Variants in POU3F3 observed in about 807,000 individuals in gnomAD.
POU3F3 encodes POU class 3 homeobox 3.
In POU3F3, 1 loss-of-function variant was observed where a neutral mutation model predicts 8.6. The ratio of observed to expected loss-of-function variants is 0.12; its 90% CI spans 0.04 to 0.55. The LOEUF is 0.55. Ranked by LOEUF, POU3F3 falls within the 20% of genes least tolerant of loss-of-function variation. The pLI is 0.91. For synonymous variants in POU3F3, 418 were observed against 327.4 expected, an observed-to-expected ratio of 1.28 and a Z score of -2.99; for missense variants, 577 against 690.7, an observed-to-expected ratio of 0.84 and a Z score of 1.84.
the POU3F3 span, chr2:104,868,408 G>A: frequency 2.6e-5 from 12 of 455,746 alleles, no homozygotes; most frequent in African/African-American, 2.4e-4. Context: ...AAAGGGGTAG[G>A]CGTGGATGTA....
the POU3F3 span, among the ~76,000 whole-genome samples, chr2:104,918,153 C>T: frequency 4.6e-5 from 7 of 152,194 alleles, no homozygotes; most frequent in Admixed American, 1.3e-4. Context: ...CTTCCCAAGT[C>T]GTAAAATCCT....
At chr2:104,918,063 T>C in the POU3F3 span, among the ~76,000 whole-genome samples, 1 of 152,232 alleles carries the variant, frequency 6.6e-6, no homozygotes, top group African/African-American at 2.4e-5. Context: ...GATTATAGCA[T>C]AAGAATAACT....
rs1284761954 is a variant in POU3F3 at position 104,855,982 on chromosome 2, C to T, written c.472C>T (p.Leu158=). 11 of 1,035,198 alleles carry T rather than the reference C, an allele frequency of 1.1e-5. No individual in the cohort carries two copies. Among genetic ancestry groups the T allele is most frequent in the South Asian group, 3.1e-5 (1 of 31,820 alleles). The allele number at this position is 1,035,198 out of a possible 1,614,324, so 64.1% of individuals were successfully genotyped here. A position where few individuals can be genotyped will look rare whatever the true frequency, so the allele number is the denominator to read the frequency against. The change falls in exon 1 of 1, where the codon CTG becomes TTG. Residue 158 remains leucine (L), a synonymous_variant. Transcript: ENST00000361360. ...DVKGGAGRDD[L]HAGTALHHRG... ...GAAGGGCGGCGCCGGGCGCGACGAC[C>T]TGCACGCGGGCACAGCGCTGCACCA...
Position 104,855,420 on chromosome 2 carries a change from C to CGCG in POU3F3, c.-67_-65dup, listed in dbSNP as rs1184145745. 1.3e-3 allele frequency: 642 copies of CGCG among 495,548 alleles called. No individual in the cohort carries two copies. Among genetic ancestry groups the CGCG allele is most frequent in the African/African-American group, 8.1e-3 (228 of 28,160 alleles). 30.7% of individuals were successfully genotyped at this position (495,548 alleles called of 1,614,324 possible). A position where few individuals can be genotyped will look rare whatever the true frequency, so the allele number is the denominator to read the frequency against. On this transcript the variant is annotated 5_prime_UTR_variant, in exon 1 of 1. Transcript: ENST00000361360. ...GGGGGAGGAGGCGGGAGGCGGGGGG[C>CGCG]GCGGCGGCGGCGGCGGCGGCGGCGG...
the POU3F3 span, among the ~76,000 whole-genome samples, chr2:104,872,983 C>T: frequency 2.6e-5 from 4 of 152,098 alleles, no homozygotes; most frequent in African/African-American, 9.7e-5. The surrounding 1 kb of genome is among the most constrained non-coding windows in gnomAD (Gnocchi z 4.6). Flanking sequence ...CCCTAGGGTC[C>T]CCAAGGGCCT....
the POU3F3 span, among the ~76,000 whole-genome samples, chr2:104,876,268 C>T: frequency 1.3e-5 from 2 of 152,122 alleles, no homozygotes; most frequent in African/African-American, 2.4e-5. Flanking sequence ...TCCTGGATTC[C>T]TTGCTGTATT....
At chr2:104,927,718 G>C in the POU3F3 span, among the ~76,000 whole-genome samples, 1 of 129,218 alleles carries the variant, frequency 7.7e-6, no homozygotes, top group East Asian at 2.4e-4. Context: ...CTCTACTCTA[G>C]CCTGAGTGAC....
At chr2:104,917,363 GACA>G in the POU3F3 span, among the ~76,000 whole-genome samples, 2 of 152,306 alleles carry the variant, frequency 1.3e-5, 1 homozygote, top group South Asian at 4.1e-4. Flanking sequence ...TTGTCATAGA[GACA>G]ACAACTATGA....
chr2:104,860,044 G>T (rs1206348949), downstream of POU3F3, among the ~76,000 whole-genome samples: 2 of 152,098 alleles, frequency 1.3e-5, no homozygotes, highest in Non-Finnish European at 2.9e-5. Flanking sequence ...GAATGGTGGT[G>T]GTTGATTAGA....
chr2:104,920,167 A>G, the POU3F3 span, among the ~76,000 whole-genome samples: 1 of 152,160 alleles, frequency 6.6e-6, no homozygotes, highest in African/African-American at 2.4e-5. Context: ...GGCGCATGCC[A>G]TCACGCCCAG....
chr2:104,897,129 G>A, the POU3F3 span, among the ~76,000 whole-genome samples: 1 of 152,266 alleles, frequency 6.6e-6, no homozygotes, highest in Non-Finnish European at 1.5e-5. Context: ...GTTAACTCCA[G>A]ATCAGGGGTG....
At chr2:104,917,609 C>A in the POU3F3 span, among the ~76,000 whole-genome samples, 1 of 152,128 alleles carries the variant, frequency 6.6e-6, no homozygotes, top group Non-Finnish European at 1.5e-5. Flanking sequence ...GTAAAGGCTC[C>A]AAAGTGCAAA....
At chr2:104,875,084 C>T in the POU3F3 span, among the ~76,000 whole-genome samples, 1 of 152,216 alleles carries the variant, frequency 6.6e-6, no homozygotes, top group Non-Finnish European at 1.5e-5. Flanking sequence ...TTAGTGGAAT[C>T]ACACAATACT....
At chr2:104,897,754 C>A in the POU3F3 span, among the ~76,000 whole-genome samples, 2 of 152,180 alleles carry the variant, frequency 1.3e-5, no homozygotes, top group Admixed American at 1.3e-4. Flanking sequence ...TGAGACATCA[C>A]CTCAAACCAG....
At chr2:104,885,530 C>T in the POU3F3 span, among the ~76,000 whole-genome samples, 1 of 152,170 alleles carries the variant, frequency 6.6e-6, no homozygotes, top group East Asian at 1.9e-4. Context: ...CCTCACTGCC[C>T]GCTATATGCT....
the POU3F3 span, among the ~76,000 whole-genome samples, chr2:104,889,228 G>A: frequency 6.6e-6 from 1 of 152,210 alleles, no homozygotes; most frequent in South Asian, 2.1e-4. Context: ...TTGACACATG[G>A]CCATGAAATA....
the POU3F3 span, among the ~76,000 whole-genome samples, chr2:104,884,089 T>C: frequency 6.6e-6 from 1 of 152,204 alleles, no homozygotes; most frequent in Admixed American, 6.5e-5. Flanking sequence ...CTCATTAAGT[T>C]AGAGATGACA....
At chr2:104,875,933 G>T in the POU3F3 span, among the ~76,000 whole-genome samples, 1 of 151,998 alleles carries the variant, frequency 6.6e-6, no homozygotes, top group Admixed American at 6.6e-5. Flanking sequence ...GGCCAGGCTG[G>T]TCAGGAACTC....
At chr2:104,868,624 T>C in the POU3F3 span, among the ~76,000 whole-genome samples, 1 of 152,124 alleles carries the variant, frequency 6.6e-6, no homozygotes, top group Non-Finnish European at 1.5e-5. Context: ...CCCGCACCCC[T>C]GCTGGACTGG....
Sources: allele counts gnomAD v4.1 joint callset (sites outside exome capture counted in the v4.1 genomes callset), GRCh38; gene constraint gnomAD v4.1.1; non-coding constraint Gnocchi (gnomAD v3.1); transcripts MANE v1.5; gene names NCBI Gene and HGNC (gene_info 2026-07-23, HGNC 2026-07-21).